YME1L1: variants seen among roughly 807,000 people sequenced by gnomAD.
YME1L1 encodes the protein YME1 like 1 ATPase.
In YME1L1, 39 loss-of-function variants were observed where a neutral mutation model predicts 90.4. That is an observed-to-expected ratio of 0.43 (90% confidence interval 0.33 to 0.56). The LOEUF (loss-of-function observed/expected upper bound fraction) is 0.56. Among genes scored for constraint, YME1L1 ranks in the 20% least tolerant of loss-of-function variants. The probability of loss-of-function intolerance (pLI) is 0.03; values close to 1 mark genes in which losing one functional copy is unlikely to be tolerated. For missense variants in YME1L1, 617 were observed against 868.4 expected, an observed-to-expected ratio of 0.71 and a Z score of 3.64; for synonymous variants, 284 against 287.3, an observed-to-expected ratio of 0.99 and a Z score of 0.12.
chr10:27,136,743 ATTTG>A (rs1456883811), intron 4 of YME1L1, among the ~76,000 whole-genome samples: 2 of 122,006 alleles, frequency 1.6e-5, no homozygotes, highest in African/African-American at 6.1e-5. Context: ...TTATTTATTT[ATTTG>A]AGATGGAGTT....
At chr10:27,121,507 A>ATTTCTAC in intron 11 of YME1L1, 59 bp from the exon 12 acceptor site, 1 of 1,210,024 alleles carries the variant, frequency 8.3e-7, no homozygotes, top group Non-Finnish European at 1.2e-6. Flanking sequence ...CACATGTAGA[A>ATTTCTAC]ATGCTCTACA....
intron 14 of YME1L1, among the ~76,000 whole-genome samples, chr10:27,118,658 C>T (rs1010109719): frequency 2.6e-5 from 4 of 152,122 alleles, no homozygotes; most frequent in African/African-American, 7.2e-5. Flanking sequence ...TAACTGAAAA[C>T]CAAAACTGTC....
Position 27,136,401 on chromosome 10 carries a change from C to A in YME1L1, c.431-16G>T, listed in dbSNP as rs1554806123. On this transcript the variant is annotated splice_polypyrimidine_tract_variant and intron_variant, in intron 4 of 18. Transcript: ENST00000376016. ...TGTATGAAAACTAAATAAAACAATA[C>A]CATTCACTGTCACTATAAATTGTTA... The A allele has an allele frequency of 6.3e-7, 1 of 1,582,116 alleles. No individual in the cohort carries two copies. Among genetic ancestry groups the A allele is most frequent in the Non-Finnish European group, 8.7e-7 (1 of 1,154,838 alleles).
chr10:27,149,012 T>C lies in YME1L1; in HGVS notation c.62A>G (p.Asn21Ser), dbSNP rs779622726. The C allele has an allele frequency of 4.3e-6, 7 of 1,612,788 alleles. No homozygotes were observed. Among genetic ancestry groups the C allele is most frequent in the East Asian group, 2.2e-5 (1 of 44,826 alleles). ...AGTGTTTTTTGGTGTATGGAAGGCATTGATGAGATGACTCAGAGGAACTGT... is the reference window on the plus strand; with the variant it reads ...AGTGTTTTTTGGTGTATGGAAGGCACTGATGAGATGACTCAGAGGAACTGT... ...QVTVPLSHLI[N>S]AFHTPKNTSV... Residue 21 changes from asparagine to serine, a missense_variant, in exon 2 of 19, where the codon AAT becomes AGT. Around this residue, in one of 4 missense-constraint regions of YME1L1, gnomAD observed 311 missense variants for 335.8 expected, o/e 0.93. Transcript: ENST00000376016.
At chr10:27,133,248 A>C (rs1425546692) in intron 7 of YME1L1, among the ~76,000 whole-genome samples, 1 of 150,504 alleles carries the variant, frequency 6.6e-6, no homozygotes, top group African/African-American at 2.4e-5. Context: ...GACAAGCAAG[A>C]CAGAAAAAGT....
chr10:27,137,097 T>C (rs2057037101), intron 4 of YME1L1, among the ~76,000 whole-genome samples: 1 of 151,874 alleles, frequency 6.6e-6, no homozygotes, highest in Non-Finnish European at 1.5e-5. Flanking sequence ...ATGTTTTTGG[T>C]AATTACATAA....
Position 27,154,232 on chromosome 10 carries a change from C to T in YME1L1, c.-22G>A. 6.3e-7 allele frequency: 1 copy of T among 1,579,172 alleles called. No individual in the cohort carries two copies. The highest frequency in any genetic ancestry group is 8.6e-7 in the Non-Finnish European group (1 of 1,162,106). ...ACATCTCCGGCGGGCCCTCAGCGAC[C>T]TCACCCGCCTGCCGAAACTGTGCCC... On this transcript the variant is annotated 5_prime_UTR_variant, in exon 1 of 19. Transcript: ENST00000376016.
intron 9 of YME1L1, among the ~76,000 whole-genome samples, 172 bp downstream of exon 9, chr10:27,126,523 CA>C (rs375105533): frequency 0.013 from 1,857 of 139,132 alleles, 20 homozygotes; most frequent in South Asian, 0.037. Context: ...TTGCAGTTAC[CA>C]AAAAAAAAAG....
rs1376956657 is a variant in YME1L1 at position 27,111,918 on chromosome 10, C to T, written c.*59G>A. 7 of 1,581,922 alleles carry T rather than the reference C, an allele frequency of 4.4e-6. No individual in the cohort carries two copies. The East Asian group carries it at 1.6e-4, about 35-fold the overall frequency. ...GGGAAAGCGTTGTAAAAGTAGACTA[C>T]TGCAATGCTACTTGTATTCTTGCAA... On this transcript the variant is annotated 3_prime_UTR_variant, in exon 19 of 19. Transcript: ENST00000376016.
intron 18 of YME1L1, 127 bp from the exon 19 acceptor site, chr10:27,112,247 T>C (rs2056766382): frequency 3.5e-6 from 3 of 862,978 alleles, no homozygotes; most frequent in Non-Finnish European, 5.2e-6. Flanking sequence ...TATAAAATCA[T>C]GTAGAATCTT....
rs2135841373 is a variant in YME1L1, at chr10:27,116,264, T to C, written c.1801A>G (p.Arg601Gly). Reference sequence around the variant, plus strand: ...CCAAATATAAGCTCCTCTGCCACTCTTCCTCCCATACTAACATCCATTTGT... The same window carrying C: ...CCAAATATAAGCTCCTCTGCCACTCCTCCTCCCATACTAACATCCATTTGT... ...LAQMDVSMGGRVAEELIFGTD... is the reference protein window; with the variant it reads ...LAQMDVSMGGGVAEELIFGTD... The change falls in exon 16 of 19, where the codon AGA becomes GGA. Residue 601 changes from arginine to glycine, a missense_variant. This residue lies in a region of YME1L1 where 212 missense variants were observed against 330.0 expected (regional missense o/e 0.64). Coordinates refer to ENST00000376016, the MANE Select transcript of YME1L1 (RefSeq NM_014263.4). 1 of 1,614,210 alleles carries C rather than the reference T, an allele frequency of 6.2e-7. No individual in the cohort carries two copies. The highest frequency in any genetic ancestry group is 8.5e-7 in the Non-Finnish European group (1 of 1,180,026).
chr10:27,112,273 A>G (rs2056766645), intron 18 of YME1L1, among the ~76,000 whole-genome samples, 153 bp from the exon 19 acceptor site: 1 of 152,222 alleles, frequency 6.6e-6, no homozygotes, highest in Non-Finnish European at 1.5e-5. Context: ...TACAGTAGAG[A>G]TAATTTGTGC....
At position 27,111,022 on chromosome 10, in the gene YME1L1, C is replaced by T. The variant is rs903797672; in HGVS notation, c.*955G>A. ...AAGTAGCTGGGATTCCAGGCATGCA[C>T]CCCACACCTGGCTATTTTTTTTTGT... On this transcript the variant is annotated 3_prime_UTR_variant, in exon 19 of 19. Transcript: ENST00000376016. 6.6e-6 allele frequency: 1 copy of T among 151,686 alleles called. No individual in the cohort carries two copies. The highest frequency in any genetic ancestry group is 1.5e-5 in the Non-Finnish European group (1 of 67,916). The allele number at this position is 151,686 out of a possible 1,614,324, so 9.4% of individuals were successfully genotyped here.
chr10:27,122,323 C>T (rs1422228338), intron 11 of YME1L1, among the ~76,000 whole-genome samples: 1 of 152,160 alleles, frequency 6.6e-6, no homozygotes, highest in Non-Finnish European at 1.5e-5. Flanking sequence ...AAATTACTTT[C>T]AAGTATACCA....
rs773192816 is a variant in YME1L1, at chr10:27,134,995, C to T, written c.541-14G>A. The T allele has an allele frequency of 1.2e-6, 2 of 1,611,456 alleles. No homozygotes were observed. The highest frequency in any genetic ancestry group is 1.7e-6 in the Non-Finnish European group (2 of 1,179,616). On this transcript the variant is annotated splice_polypyrimidine_tract_variant and intron_variant, in intron 5 of 18. Transcript: ENST00000376016. ...CAAAAGAAACCCCTGAATACACAAACAACACATCAGTACTGGTTAACAACA... is the reference window on the plus strand; with the variant it reads ...CAAAAGAAACCCCTGAATACACAAATAACACATCAGTACTGGTTAACAACA...
Position 27,134,853 on chromosome 10 carries a change from T to C in YME1L1, c.669A>G (p.Gln223=). 1 of 1,614,076 alleles carries C rather than the reference T, an allele frequency of 6.2e-7. No individual in the cohort carries two copies. The highest frequency in any genetic ancestry group is 1.7e-5 in the Admixed American group (1 of 60,030). ...TGFAEGFLKA[Q]ALTQKTNDSL... is the part of the protein sequence containing the mutation. ...TACCATTGGTTTTTTGTGTGAGTGC[T>C]TGAGCTTTCAGAAAACCTTCCGCAA... Residue 223 remains glutamine (Q), a synonymous_variant, in exon 6 of 19, where the codon CAA becomes CAG. Transcript: ENST00000376016.
At chr10:27,148,795 A>G in intron 2 of YME1L1, 111 bp downstream of exon 2, 4 of 1,401,696 alleles carry the variant, frequency 2.9e-6, no homozygotes, top group Non-Finnish European at 3.9e-6. Flanking sequence ...GTCAAAAATT[A>G]TACTCAAATT....
At chr10:27,143,112 GTAATTCCAGCACT>G (rs1202930583) in intron 3 of YME1L1, among the ~76,000 whole-genome samples, 1 of 151,982 alleles carries the variant, frequency 6.6e-6, no homozygotes. Context: ...GCTCACGCCT[GTAATTCCAGCACT>G]TTGGGAGGCA....
Position 27,113,219 on chromosome 10 carries a change from C to CAAAAAAAAAAAAAAAAAAAAA in YME1L1, c.2008-1120_2008-1100dup, listed in dbSNP as rs869122796. The stretch of plus-strand genomic sequence containing the variant: ...TGGGTGACAGGGCAAGATGCTGTCT[C>CAAAAAAAAAAAAAAAAAAAAA]AAAAAAAAAAAAAAAAAAAAAAAAA... On this transcript the variant is annotated intron_variant, in intron 18 of 18. Transcript: ENST00000376016. Among the ~76,000 whole-genome samples the CAAAAAAAAAAAAAAAAAAAAA allele has an allele frequency of 9.3e-5, 4 of 43,088 alleles. 1 individual carries two copies. The highest frequency in any genetic ancestry group is 1.3e-4 in the Non-Finnish European group (3 of 22,826). 28.3% of individuals were successfully genotyped at this position (43,088 alleles called of 152,430 possible). A position where few individuals can be genotyped will look rare whatever the true frequency, so the allele number is the denominator to read the frequency against.
Sources: gnomAD v4.1 joint callset for allele counts (sites outside exome capture counted in the v4.1 genomes callset) on GRCh38, gnomAD v4.1.1 for gene constraint, gnomAD v4.1.1 regional missense constraint, MANE v1.5 for transcripts, NCBI Gene and HGNC (gene_info 2026-07-23, HGNC 2026-07-21) for gene names.